Variants in GRK5 observed in about 807,000 individuals in gnomAD.
The protein encoded by GRK5 is G protein-coupled receptor kinase 5.
Under a neutral mutation model 78.4 loss-of-function variants are expected in GRK5, and 40 were observed. The ratio of observed to expected loss-of-function variants is 0.51; its 90% CI spans 0.40 to 0.66. The LOEUF is 0.66. Ranked by LOEUF, GRK5 falls within the 30% of genes least tolerant of loss-of-function variation. The pLI is 0.00. For missense variants in GRK5, 598 were observed against 759.9 expected, an observed-to-expected ratio of 0.79 and a Z score of 2.50; for synonymous variants, 289 against 296.8, an observed-to-expected ratio of 0.97 and a Z score of 0.27.
intron 2 of GRK5, among the ~76,000 whole-genome samples, chr10:119,346,707 G>A (rs1228191881): frequency 6.6e-6 from 1 of 152,112 alleles, no homozygotes; most frequent in Non-Finnish European, 1.5e-5. Flanking sequence ...CTGGCTCCTG[G>A]GCCTCCCAGG....
At chr10:119,399,970 A>G (rs965456244) in intron 4 of GRK5, among the ~76,000 whole-genome samples, 11 of 151,648 alleles carry the variant, frequency 7.3e-5, no homozygotes, top group African/African-American at 2.7e-4. Flanking sequence ...GCTGTCCCCT[A>G]CTCTGTCTTT....
chr10:119,230,830 CAAAAAAAAAA>C (rs5788332), intron 1 of GRK5, among the ~76,000 whole-genome samples: 6 of 61,522 alleles, frequency 9.8e-5, no homozygotes, highest in African/African-American at 4.3e-4. Context: ...GACCCTATCT[CAAAAAAAAAA>C]AAAAAAAAAA....
chr10:119,209,500 T>TG (rs1355255546), intron 1 of GRK5, among the ~76,000 whole-genome samples: 2 of 58,986 alleles, frequency 3.4e-5, no homozygotes, highest in African/African-American at 7.3e-5. Context: ...TTTTTTTTTT[T>TG]TTTTTTTTTT....
In GRK5 at chr10:119,217,056, T is replaced by C. The variant is rs947156512; in HGVS notation, c.52+9087T>C. Among the ~76,000 whole-genome samples, 3 of 152,234 alleles carry C rather than the reference T, an allele frequency of 2.0e-5. No individual in the cohort carries two copies. The highest frequency in any genetic ancestry group is 4.4e-5 in the Non-Finnish European group (3 of 68,038). On this transcript the variant is annotated intron_variant, in intron 1 of 15. Coordinates refer to ENST00000392870, the MANE Select transcript of GRK5 (RefSeq NM_005308.3). This position sits in a 1 kb window ranked among gnomAD's most constrained non-coding sequence, Gnocchi z 4.1. ...TCTCCCCTATCCTCCAAAGTGCTTTTATGTTCCAAAATAAATCTTTCTTCC... is the reference window on the plus strand; with the variant it reads ...TCTCCCCTATCCTCCAAAGTGCTTTCATGTTCCAAAATAAATCTTTCTTCC...
At chr10:119,239,496 A>G (rs1299431942) in intron 1 of GRK5, among the ~76,000 whole-genome samples, 7 of 152,064 alleles carry the variant, frequency 4.6e-5, no homozygotes, top group African/African-American at 1.7e-4. Context: ...TCAGCCTCCC[A>G]AAGTCCTGGG....
chr10:119,344,936 T>TCCTTCCTTCCTC (rs71016565), intron 2 of GRK5, among the ~76,000 whole-genome samples: 1 of 122,548 alleles, frequency 8.2e-6, no homozygotes, highest in African/African-American at 3.1e-5. Flanking sequence ...CTTCCTTCCT[T>TCCTTCCTTCCTC]TTCCTCCCTC....
At chr10:119,421,092 G>A (rs960470320) in intron 4 of GRK5, among the ~76,000 whole-genome samples, 1 of 152,218 alleles carries the variant, frequency 6.6e-6, no homozygotes, top group African/African-American at 2.4e-5. Flanking sequence ...CTCGCACCAG[G>A]CTCAAGGTCA....
chr10:119,315,963 T>G (rs768320546), intron 1 of GRK5, among the ~76,000 whole-genome samples: 3 of 152,220 alleles, frequency 2.0e-5, no homozygotes, highest in Non-Finnish European at 2.9e-5. Flanking sequence ...ATTAGCATAA[T>G]GCTGACTTTT....
intron 2 of GRK5, among the ~76,000 whole-genome samples, chr10:119,361,890 G>T (rs1851368839): frequency 6.7e-6 from 1 of 150,160 alleles, no homozygotes; most frequent in Non-Finnish European, 1.5e-5. Flanking sequence ...GAACCTGGGA[G>T]GTGGAGGTTG....
At chr10:119,216,030 G>C (rs1848566176) in intron 1 of GRK5, among the ~76,000 whole-genome samples, 1 of 152,130 alleles carries the variant, frequency 6.6e-6, no homozygotes, top group Admixed American at 6.6e-5. Context: ...CTTGAAAATG[G>C]TTTTCTCCTT....
In GRK5 at chr10:119,452,613, C is replaced by T. The variant is rs893342477; in HGVS notation, c.1405-58C>T. On this transcript the variant is annotated intron_variant, in intron 13 of 15. Transcript: ENST00000392870. The surrounding 1 kb of genome is among the most constrained non-coding windows in gnomAD (Gnocchi z 4.4). ...CTCCCCAAAACCCCAAGGCCTGGCT[C>T]GGGGCCACTGGAGCCGCAGGCGGGA... 20 of 1,605,350 alleles carry T rather than the reference C, an allele frequency of 1.2e-5. No individual in the cohort carries two copies. Among genetic ancestry groups the T allele is most frequent in the African/African-American group, 2.7e-5 (2 of 74,832 alleles).
In GRK5 at chr10:119,378,646, C is replaced by T. The variant is rs1851663790; in HGVS notation, c.149-2169C>T. Reference sequence around the variant, plus strand: ...GGGCTGCCTTCAGGGCTCCTCTCTCCGCTCATCTCCGCTTGTGTGCGGGCT... The same window carrying T: ...GGGCTGCCTTCAGGGCTCCTCTCTCTGCTCATCTCCGCTTGTGTGCGGGCT... On this transcript the variant is annotated intron_variant, in intron 2 of 15. Coordinates refer to ENST00000392870, the MANE Select transcript of GRK5 (RefSeq NM_005308.3). The surrounding 1 kb of genome is among the most constrained non-coding windows in gnomAD (Gnocchi z 4.5). 6.8e-6 allele frequency among the ~76,000 whole-genome samples: 1 copy of T among 146,602 alleles called. No homozygotes were observed. The highest frequency in any genetic ancestry group is 1.5e-5 in the Non-Finnish European group (1 of 66,784).
rs111807390 is a variant in GRK5 at position 119,247,372 on chromosome 10, G to A, written c.52+39403G>A. 7.8e-3 allele frequency among the ~76,000 whole-genome samples: 1,189 copies of A among 152,236 alleles called. 16 individuals are homozygous for A. The highest frequency in any genetic ancestry group is 0.027 in the African/African-American group (1,130 of 41,530). ...TGAGGGAAATCTCATTTCCACAGTC[G>A]ATGACTCCCCCTTCAGCTATGTTCA... On this transcript the variant is annotated intron_variant, in intron 1 of 15. Coordinates refer to ENST00000392870, the MANE Select transcript of GRK5 (RefSeq NM_005308.3).
chr10:119,215,449 A>G (rs1011021435), intron 1 of GRK5, among the ~76,000 whole-genome samples: 2 of 146,928 alleles, frequency 1.4e-5, no homozygotes, highest in African/African-American at 5.0e-5. Context: ...GGAGGGGGAG[A>G]AGGAGAGATG....
chr10:119,454,441 C>T (rs536163072), intron 15 of GRK5, among the ~76,000 whole-genome samples: 2 of 152,322 alleles, frequency 1.3e-5, no homozygotes, highest in East Asian at 3.9e-4. Context: ...TCTTGCCTCC[C>T]TCCTCCTCCC....
chr10:119,269,510 G>T (rs1043810418), intron 1 of GRK5, among the ~76,000 whole-genome samples: 1 of 151,970 alleles, frequency 6.6e-6, no homozygotes, highest in African/African-American at 2.4e-5. Context: ...TCTCATCCTG[G>T]GGAGTCAGGG....
At chr10:119,276,943 G>A (rs151138241) in intron 1 of GRK5, among the ~76,000 whole-genome samples, 4 of 152,224 alleles carry the variant, frequency 2.6e-5, no homozygotes, top group Non-Finnish European at 5.9e-5. Context: ...TTATTATTAC[G>A]TTACACATCA....
chr10:119,337,945 C>T (rs879792444), intron 2 of GRK5, among the ~76,000 whole-genome samples: 10 of 152,084 alleles, frequency 6.6e-5, no homozygotes, highest in Non-Finnish European at 1.0e-4. Context: ...TTCATGAGGA[C>T]ACCACTCATA....
intron 1 of GRK5, among the ~76,000 whole-genome samples, chr10:119,212,072 G>C (rs1354466599): frequency 2.0e-5 from 3 of 152,092 alleles, no homozygotes; most frequent in Admixed American, 6.5e-5. Context: ...CCAAGCGACA[G>C]CTTTCATCCT....
Sources: gnomAD v4.1 joint callset for allele counts (sites outside exome capture counted in the v4.1 genomes callset) on GRCh38, gnomAD v4.1.1 for gene constraint, Gnocchi (gnomAD v3.1) non-coding constraint, MANE v1.5 for transcripts, NCBI Gene and HGNC (gene_info 2026-07-23, HGNC 2026-07-21) for gene names.